The following IL1RAPL1 variants were observed in gnomAD, a reference collection of about 807,000 sequenced individuals.
IL1RAPL1 encodes the protein interleukin-1 receptor accessory protein-like 1.
IL1RAPL1 carries 3 observed loss-of-function variants against 48.4 expected under a neutral mutation model. The observed-to-expected ratio is 0.06, with a 90% confidence interval of 0.03 to 0.16. IL1RAPL1 has a LOEUF of 0.16. Ranked by LOEUF, IL1RAPL1 falls within the 10% of genes least tolerant of loss-of-function variation. The probability of loss-of-function intolerance (pLI) is 1.00; values close to 1 mark genes in which losing one functional copy is unlikely to be tolerated. For synonymous variants in IL1RAPL1, 185 were observed against 187.7 expected (o/e 0.99, Z 0.12); for missense variants, 349 against 530.6 (o/e 0.66, Z 3.36).
chrX:29,902,129 G>A (rs1932506929), intron 6 of IL1RAPL1, among the ~76,000 whole-genome samples: 1 of 109,713 alleles, frequency 9.1e-6, no homozygotes. Flanking sequence ...TTTCCTGGCA[G>A]GTGAGTAATT....
At chrX:29,759,061 G>A (rs915749130) in intron 6 of IL1RAPL1, among the ~76,000 whole-genome samples, 7 of 112,134 alleles carry the variant, frequency 6.2e-5, no homozygotes, top group Non-Finnish European at 1.3e-4. Flanking sequence ...AATTACATTG[G>A]ACAGTAATGT....
At chrX:29,827,011 C>T (rs750770148) in intron 6 of IL1RAPL1, among the ~76,000 whole-genome samples, 1 of 112,285 alleles carries the variant, frequency 8.9e-6, no homozygotes, top group South Asian at 3.7e-4. Context: ...ACATTCTCGT[C>T]AACACTTGTT....
At chrX:29,754,911 G>A (rs1031879856) in intron 6 of IL1RAPL1, among the ~76,000 whole-genome samples, 3 of 112,506 alleles carry the variant, frequency 2.7e-5, no homozygotes, top group Admixed American at 9.4e-5. Flanking sequence ...TGGCCATGCT[G>A]GGTCCTTTGC....
chrX:29,477,284 G>A (rs1020065129), intron 5 of IL1RAPL1, among the ~76,000 whole-genome samples: 9 of 111,847 alleles, frequency 8.0e-5, no homozygotes, highest in African/African-American at 2.9e-4. Flanking sequence ...TGGCATAGCA[G>A]AAGTTTTCAA....
intron 2 of IL1RAPL1, among the ~76,000 whole-genome samples, chrX:29,075,774 G>GA (rs959744198): frequency 4.5e-5 from 5 of 110,298 alleles, no homozygotes; most frequent in South Asian, 7.6e-4. Flanking sequence ...TATTAGAAAG[G>GA]AAAAAAAATA....
chrX:29,005,450 G>A (rs945384129), intron 2 of IL1RAPL1, among the ~76,000 whole-genome samples: 1 of 111,610 alleles, frequency 9.0e-6, no homozygotes, highest in Non-Finnish European at 1.9e-5. Flanking sequence ...TGAAATTATT[G>A]GAAATCAAAT....
At chrX:29,936,573 TACTG>T (rs1314410207) in intron 8 of IL1RAPL1, among the ~76,000 whole-genome samples, 1 of 105,921 alleles carries the variant, frequency 9.4e-6, no homozygotes, top group Non-Finnish European at 2.0e-5. Context: ...CAAATAGAGA[TACTG>T]ACTAAAAACT....
intron 6 of IL1RAPL1, among the ~76,000 whole-genome samples, chrX:29,696,985 A>T (rs1926929599): frequency 8.9e-6 from 1 of 111,989 alleles, no homozygotes; most frequent in South Asian, 3.7e-4. Flanking sequence ...ACTACCAGTG[A>T]TTCCTAAAGA....
intron 2 of IL1RAPL1, among the ~76,000 whole-genome samples, chrX:29,214,821 G>A (rs1256967567): frequency 8.9e-6 from 1 of 111,882 alleles, no homozygotes; most frequent in Admixed American, 9.6e-5. Context: ...AATAACTAAT[G>A]CAAGTAAATG....
At chrX:29,189,382 T>G (rs1930311330) in intron 2 of IL1RAPL1, among the ~76,000 whole-genome samples, 1 of 111,842 alleles carries the variant, frequency 8.9e-6, no homozygotes, top group East Asian at 2.8e-4. Flanking sequence ...TGGAATAAAT[T>G]ATAAAGATAT....
chrX:28,717,224 A>G lies in IL1RAPL1; in HGVS notation c.-24-72096A>G, dbSNP rs1450623493. ...TATGTTCACTGCAATACTATTCACAATAGCAAAGATATGGAATCAACCTAA... is the reference window on the plus strand; with the variant it reads ...TATGTTCACTGCAATACTATTCACAGTAGCAAAGATATGGAATCAACCTAA... On this transcript the variant is annotated intron_variant, in intron 1 of 10. Transcript: ENST00000378993. 2.7e-5 allele frequency among the ~76,000 whole-genome samples: 3 copies of G among 112,323 alleles called. No homozygotes were observed. In the East Asian group the frequency reaches 8.4e-4, roughly 31 times the overall value.
chrX:29,539,647 CAGG>C, intron 5 of IL1RAPL1, among the ~76,000 whole-genome samples: 1 of 110,440 alleles, frequency 9.1e-6, no homozygotes, highest in South Asian at 4.0e-4. Context: ...AGTGGGTTTT[CAGG>C]AGATCTGGTT....
chrX:29,667,381 G>A (rs942870884), intron 5 of IL1RAPL1, among the ~76,000 whole-genome samples: 5 of 112,291 alleles, frequency 4.5e-5, no homozygotes, highest in Non-Finnish European at 9.4e-5. Context: ...CCAACTCTTG[G>A]CAATTCTGCC....
intron 1 of IL1RAPL1, among the ~76,000 whole-genome samples, chrX:28,766,345 T>A (rs1936238275): frequency 9.3e-6 from 1 of 108,009 alleles, no homozygotes; most frequent in Non-Finnish European, 1.9e-5. Context: ...ACTTCCTTTA[T>A]CTTAGGTCCA....
chrX:29,355,280 A>T (rs748306688), intron 3 of IL1RAPL1, among the ~76,000 whole-genome samples: 1 of 111,845 alleles, frequency 8.9e-6, no homozygotes, highest in East Asian at 2.8e-4. Flanking sequence ...TTGGGGTATC[A>T]TATTCTGGTC....
At chrX:29,198,285 T>A (rs774220653) in intron 2 of IL1RAPL1, among the ~76,000 whole-genome samples, 102 of 110,238 alleles carry the variant, frequency 9.3e-4, no homozygotes, top group Middle Eastern at 4.6e-3. Context: ...ATTTTAGGTT[T>A]TTTTTTTCTT....
intron 2 of IL1RAPL1, among the ~76,000 whole-genome samples, chrX:29,109,657 A>G (rs781540735): frequency 9.0e-6 from 1 of 110,758 alleles, no homozygotes; most frequent in African/African-American, 3.3e-5. Flanking sequence ...GGAGTTGTGG[A>G]CATTGAGTAT....
At chrX:29,608,614 C>G in intron 5 of IL1RAPL1, among the ~76,000 whole-genome samples, 1 of 110,052 alleles carries the variant, frequency 9.1e-6, no homozygotes, top group East Asian at 2.9e-4. Flanking sequence ...ATCACGAGGT[C>G]AGGAGATCGA....
chrX:28,771,306 C>A (rs1223534385), intron 1 of IL1RAPL1, among the ~76,000 whole-genome samples: 1 of 112,155 alleles, frequency 8.9e-6, no homozygotes, highest in African/African-American at 3.2e-5. Flanking sequence ...GAATCTGCAG[C>A]TTTTGGCAGG....
Sources: gnomAD v4.1 joint callset for allele counts (sites outside exome capture counted in the v4.1 genomes callset) on GRCh38, gnomAD v4.1.1 for gene constraint, MANE v1.5 for transcripts, NCBI Gene and HGNC (gene_info 2026-07-23, HGNC 2026-07-21) for gene names.